Variants in RHBDD1 observed in about 807,000 individuals in gnomAD.
The protein encoded by RHBDD1 is rhomboid-related protein 4.
RHBDD1 carries 38 observed loss-of-function variants against 36.3 expected under a neutral mutation model. That is an observed-to-expected ratio of 1.05 (90% CI 0.81 to 1.37). The LOEUF is 1.37. RHBDD1 is among the 40% of genes most tolerant of loss of function. RHBDD1 has a pLI of 0.00. For synonymous variants in RHBDD1, 151 were observed against 136.5 expected, an observed-to-expected ratio of 1.11 and a Z score of -0.74; for missense variants, 393 against 377.6, an observed-to-expected ratio of 1.04 and a Z score of -0.34.
At chr2:226,986,248 T>C (rs1212195941) in intron 8 of RHBDD1, among the ~76,000 whole-genome samples, 1 of 152,128 alleles carries the variant, frequency 6.6e-6, no homozygotes. Flanking sequence ...GGTAACAAAA[T>C]GTACTGTGGT....
At chr2:226,857,951 A>G (rs958957725) in intron 3 of RHBDD1, among the ~76,000 whole-genome samples, 1 of 152,202 alleles carries the variant, frequency 6.6e-6, no homozygotes, top group African/African-American at 2.4e-5. Context: ...TTAAAGATGA[A>G]TGCTAAATCC....
intron 5 of RHBDD1, among the ~76,000 whole-genome samples, chr2:226,896,729 A>C (rs60141402): frequency 0.44 from 66,154 of 151,966 alleles, 14,591 homozygotes; most frequent in South Asian, 0.5. Context: ...CACATGGCAC[A>C]CAGGCCTTAT....
At chr2:226,840,440 G>GA (rs1941486663) in intron 3 of RHBDD1, among the ~76,000 whole-genome samples, 1 of 152,178 alleles carries the variant, frequency 6.6e-6, no homozygotes, top group Non-Finnish European at 1.5e-5. Flanking sequence ...CTAAGGGCAG[G>GA]AAAATCTCAT....
chr2:226,918,789 C>G (rs555656105), intron 8 of RHBDD1, among the ~76,000 whole-genome samples: 1 of 151,972 alleles, frequency 6.6e-6, no homozygotes, highest in Non-Finnish European at 1.5e-5. Context: ...ATATAGATAT[C>G]TCTTTGATAT....
At chr2:226,961,435 T>C (rs1952191754) in intron 8 of RHBDD1, among the ~76,000 whole-genome samples, 1 of 152,202 alleles carries the variant, frequency 6.6e-6, no homozygotes, top group Admixed American at 6.5e-5. Context: ...TCTATTTCAA[T>C]CAATTTTGGA....
upstream of RHBDD1, among the ~76,000 whole-genome samples, chr2:226,830,867 AC>A (rs757189110): frequency 1.3e-5 from 2 of 152,104 alleles, no homozygotes; most frequent in African/African-American, 2.4e-5. Flanking sequence ...ATAGGATCTC[AC>A]CATCTTGCCC....
chr2:226,926,863 T>A (rs576170410), intron 8 of RHBDD1, among the ~76,000 whole-genome samples: 2 of 152,346 alleles, frequency 1.3e-5, no homozygotes, highest in East Asian at 3.9e-4. Context: ...GATCTTTTTT[T>A]ACAAGGCTAA....
At chr2:226,842,392 A>G (rs1290133995) in intron 3 of RHBDD1, among the ~76,000 whole-genome samples, 2 of 152,152 alleles carry the variant, frequency 1.3e-5, no homozygotes, top group Non-Finnish European at 2.9e-5. Context: ...GGTATTACCT[A>G]GATTTTCTTC....
intron 3 of RHBDD1, among the ~76,000 whole-genome samples, chr2:226,862,300 A>G (rs1374439136): frequency 6.6e-6 from 1 of 151,794 alleles, no homozygotes; most frequent in Non-Finnish European, 1.5e-5. Context: ...GAAGTTCAGA[A>G]AGTTTAAATG....
chr2:226,874,933 C>T (rs1262500876), intron 5 of RHBDD1, among the ~76,000 whole-genome samples: 1 of 149,558 alleles, frequency 6.7e-6, no homozygotes, highest in Admixed American at 6.7e-5. Flanking sequence ...CTTGTGAATT[C>T]CTGGTTATTC....
chr2:226,814,748 CG>C, the RHBDD1 span, among the ~76,000 whole-genome samples: 1 of 152,166 alleles, frequency 6.6e-6, no homozygotes, highest in Non-Finnish European at 1.5e-5. Flanking sequence ...TCCTGAGCAA[CG>C]GGTAGGCTAG....
intron 5 of RHBDD1, among the ~76,000 whole-genome samples, chr2:226,877,781 G>T (rs1945367822): frequency 6.6e-6 from 1 of 151,964 alleles, no homozygotes; most frequent in Admixed American, 6.6e-5. Context: ...ACTAATCTTG[G>T]TGTTTAATAA....
At chr2:226,829,746 CGT>C in the RHBDD1 span, among the ~76,000 whole-genome samples, 1 of 152,060 alleles carries the variant, frequency 6.6e-6, no homozygotes, top group East Asian at 1.9e-4. Context: ...TATCTGTGTG[CGT>C]GTGTATGTAT....
chr2:226,864,072 G>T (rs545634910), intron 3 of RHBDD1, among the ~76,000 whole-genome samples: 2 of 152,294 alleles, frequency 1.3e-5, no homozygotes, highest in South Asian at 4.1e-4. Flanking sequence ...AAGTTGTTAT[G>T]AAAGTAGAGT....
the RHBDD1 span, among the ~76,000 whole-genome samples, chr2:226,801,066 C>A: frequency 2.0e-5 from 3 of 152,258 alleles, no homozygotes; most frequent in African/African-American, 7.2e-5. Flanking sequence ...AATGCTGTCT[C>A]ATTTTGATGC....
At chr2:226,841,778 A>G (rs1473279054) in intron 3 of RHBDD1, among the ~76,000 whole-genome samples, 1 of 152,148 alleles carries the variant, frequency 6.6e-6, no homozygotes, top group African/African-American at 2.4e-5. Flanking sequence ...TATCTTTATA[A>G]TAGAATGATT....
intron 3 of RHBDD1, among the ~76,000 whole-genome samples, chr2:226,860,960 T>C (rs116521321): frequency 3.2e-4 from 49 of 152,222 alleles, no homozygotes; most frequent in African/African-American, 1.1e-3. Flanking sequence ...AAGTGTTTTG[T>C]TATTTGCTGT....
chr2:226,907,206 C>T (rs146126319), intron 6 of RHBDD1, among the ~76,000 whole-genome samples: 3 of 152,296 alleles, frequency 2.0e-5, no homozygotes, highest in African/African-American at 7.2e-5. Context: ...TAAAATAATG[C>T]ATTCTTCTAT....
At chr2:226,964,565 C>G (rs1952479200) in intron 8 of RHBDD1, among the ~76,000 whole-genome samples, 1 of 152,172 alleles carries the variant, frequency 6.6e-6, no homozygotes, top group South Asian at 2.1e-4. Flanking sequence ...TATATGCTGG[C>G]AACTTCCAAA....
Sources: allele counts gnomAD v4.1 joint callset (sites outside exome capture counted in the v4.1 genomes callset), GRCh38; gene constraint gnomAD v4.1.1; transcripts MANE v1.5; gene names NCBI Gene and HGNC (gene_info 2026-07-23, HGNC 2026-07-21).